The following CD9 variants were observed in gnomAD, a reference collection of about 807,000 sequenced individuals.
CD9 encodes CD9 molecule, also known as CD9 antigen.
CD9 carries 10 observed loss-of-function variants against 31.4 expected under a neutral mutation model. The ratio of observed to expected loss-of-function variants is 0.32; its 90% CI spans 0.20 to 0.54. CD9 has a LOEUF of 0.54. CD9 is among the 20% of genes least tolerant of loss of function. CD9 has a pLI of 0.94. For missense variants in CD9, 259 were observed against 300.1 expected, an observed-to-expected ratio of 0.86 and a Z score of 1.01; for synonymous variants, 113 against 114.1, an observed-to-expected ratio of 0.99 and a Z score of 0.06.
In CD9 at chr12:6,232,722, T is replaced by C; in HGVS notation, c.266T>C (p.Leu89Pro). 1 of 1,556,510 alleles carries C rather than the reference T, an allele frequency of 6.4e-7. No individual in the cohort carries two copies. The highest frequency in any genetic ancestry group is 8.7e-7 in the Non-Finnish European group (1 of 1,155,060). Residue 89 changes from leucine (L) to proline (P), a missense_variant, in exon 3 of 8, where the codon CTG becomes CCG. Physicochemically the swap from Leu to Pro is moderately conservative, Grantham distance 98. Coordinates refer to ENST00000009180, the MANE Select transcript of CD9 (RefSeq NM_001769.4). The surrounding 1 kb of genome is among the most constrained non-coding windows in gnomAD (Gnocchi z 4.8). ...CGAVQESQCM[L>P]GLFFGFLLVI... The stretch of plus-strand genomic sequence containing the variant: ...GCTGTGCAGGAGTCCCAGTGCATGC[T>C]GGGACTGGTGAGTATCCCCTCGGCA...
At chr12:6,214,702 AGAAGTCCAGTCTCATGCATAAC>A (rs1946226446) in intron 1 of CD9, among the ~76,000 whole-genome samples, 1 of 152,102 alleles carries the variant, frequency 6.6e-6, no homozygotes, top group Non-Finnish European at 1.5e-5. Context: ...AGGTTTGAGG[AGAAGTCCAGTCTCATGCATAAC>A]AGCGAGCTGG....
intron 1 of CD9, chr12:6,200,770 G>A (rs1946065784): frequency 2.2e-6 from 1 of 463,368 alleles, no homozygotes; most frequent in Non-Finnish European, 3.8e-6. Context: ...GCGCATTCGG[G>A]TGGGGGCTCA....
At chr12:6,220,345 G>A (rs964288681) in intron 1 of CD9, among the ~76,000 whole-genome samples, 1 of 152,160 alleles carries the variant, frequency 6.6e-6, no homozygotes, top group African/African-American at 2.4e-5. Context: ...GGGTTCAGTG[G>A]TGTCAGCTGC....
rs780181536 is a variant in CD9, at chr12:6,235,180, G to A, written c.349-49G>A. The stretch of plus-strand genomic sequence containing the variant: ...GAACGCATAACATTTGTTCGTGGAG[G>A]AAGATGTGAAAATGCCGTCTCTGCC... On this transcript the variant is annotated intron_variant, in intron 4 of 7. Transcript: ENST00000009180. The A allele has an allele frequency of 3.1e-6, 4 of 1,279,434 alleles. No homozygotes were observed. The South Asian group carries it at 5.0e-5, about 16-fold the overall frequency. The allele number at this position is 1,279,434 out of a possible 1,614,324, so 79.3% of individuals were successfully genotyped here. A position where few individuals can be genotyped will look rare whatever the true frequency, so the allele number is the denominator to read the frequency against.
At chr12:6,230,606 GC>G (rs1195132021) in intron 2 of CD9, among the ~76,000 whole-genome samples, 1 of 152,212 alleles carries the variant, frequency 6.6e-6, no homozygotes, top group East Asian at 1.9e-4. Context: ...TCCTTGACTT[GC>G]CCCCATTAGA....
rs368763492 is a variant in CD9, at chr12:6,227,410, C to G, written c.175+1876C>G. Among the ~76,000 whole-genome samples, 5 of 152,252 alleles carry G rather than the reference C, an allele frequency of 3.3e-5. No homozygotes were observed. The East Asian group carries it at 7.7e-4, about 24-fold the overall frequency. The stretch of plus-strand genomic sequence containing the variant: ...ACGGGGTTTCTCCATGTTGGTCAGG[C>G]TCGTCTCCAACTCCCGACCTCAGGT... On this transcript the variant is annotated intron_variant, in intron 2 of 7. Transcript: ENST00000009180.
At chr12:6,233,261 ACTT>A (rs1591980310) in intron 3 of CD9, 148 bp from the exon 4 acceptor site, 1 of 655,574 alleles carries the variant, frequency 1.5e-6, no homozygotes, top group Non-Finnish European at 2.7e-6. Context: ...TGTTCTGTGA[ACTT>A]CTTCCCTGCC....
rs551785874 is a variant in CD9 at position 6,231,369 on chromosome 12, A to T, written c.176-1263A>T. Among the ~76,000 whole-genome samples the T allele has an allele frequency of 3.3e-5, 5 of 152,300 alleles. No homozygotes were observed. In the South Asian group the frequency reaches 1.0e-3, roughly 32 times the overall value. ...ACAGATAGAAAACTGTTGCACAGAG[A>T]GGTTAAGTGGCTTCCCCAGAGTCAC... On this transcript the variant is annotated intron_variant, in intron 2 of 7. Coordinates refer to ENST00000009180, the MANE Select transcript of CD9 (RefSeq NM_001769.4).
chr12:6,232,143 G>C lies in CD9; in HGVS notation c.176-489G>C. The C allele has an allele frequency of 5.7e-6, 1 of 175,792 alleles. No individual in the cohort carries two copies. The highest frequency in any genetic ancestry group is 5.4e-5 in the Admixed American group (1 of 18,564). The allele number at this position is 175,792 out of a possible 1,614,324, so 10.9% of individuals were successfully genotyped here. A position where few individuals can be genotyped will look rare whatever the true frequency, so the allele number is the denominator to read the frequency against. On this transcript the variant is annotated intron_variant, in intron 2 of 7. Coordinates refer to ENST00000009180, the MANE Select transcript of CD9 (RefSeq NM_001769.4). This position sits in a 1 kb window ranked among gnomAD's most constrained non-coding sequence, Gnocchi z 4.8. ...GCAGAGTTGGTTCCCCCCACCCCTG[G>C]GTAGGGGGGTGCCTAGGTGTGCACG...
intron 1 of CD9, among the ~76,000 whole-genome samples, chr12:6,202,901 A>G (rs1190013972): frequency 5.3e-5 from 8 of 152,150 alleles, no homozygotes; most frequent in Non-Finnish European, 1.2e-4. Flanking sequence ...TGGGGCCCCT[A>G]CTTTACTTCT....
intron 1 of CD9, among the ~76,000 whole-genome samples, chr12:6,209,100 C>G (rs543796634): frequency 1.3e-5 from 2 of 152,090 alleles, no homozygotes; most frequent in Non-Finnish European, 2.9e-5. Context: ...TCCTGAGTAG[C>G]TGCGACTACA....
chr12:6,208,491 A>G (rs1946156394), intron 1 of CD9, among the ~76,000 whole-genome samples: 2 of 152,198 alleles, frequency 1.3e-5, no homozygotes, highest in Admixed American at 1.3e-4. Context: ...CATAAAGTTA[A>G]TCAGGCAGTT....
intron 1 of CD9, among the ~76,000 whole-genome samples, chr12:6,216,482 C>T (rs1303817611): frequency 2.0e-5 from 3 of 152,174 alleles, no homozygotes; most frequent in Non-Finnish European, 4.4e-5. Context: ...CCTGCCCAAC[C>T]CAGGAAAATC....
chr12:6,208,139 G>T (rs897207223), intron 1 of CD9, among the ~76,000 whole-genome samples: 4 of 151,634 alleles, frequency 2.6e-5, no homozygotes, highest in African/African-American at 9.7e-5. Context: ...CAGGAGAATT[G>T]CTTGAACCTG....
chr12:6,227,352 C>A (rs1234926944), intron 2 of CD9, among the ~76,000 whole-genome samples: 2 of 152,116 alleles, frequency 1.3e-5, no homozygotes, highest in Non-Finnish European at 2.9e-5. Flanking sequence ...GCATGTGCCA[C>A]CATGCCCAGC....
intron 4 of CD9, among the ~76,000 whole-genome samples, chr12:6,233,958 G>C (rs1038157641): frequency 6.8e-6 from 1 of 148,094 alleles, no homozygotes; most frequent in Non-Finnish European, 1.5e-5. Flanking sequence ...CCCCACATCC[G>C]GAGACTTGGC....
rs2136643026 is a variant in CD9 at position 6,237,751 on chromosome 12, C to CCTAT, written c.622-9_622-6dup. 2.5e-6 allele frequency: 4 copies of CCTAT among 1,607,396 alleles called. No individual in the cohort carries two copies. The highest frequency in any genetic ancestry group is 1.7e-5 in the Admixed American group (1 of 59,952). On this transcript the variant is annotated splice_polypyrimidine_tract_variant and intron_variant, in intron 7 of 7. Coordinates refer to ENST00000009180, the MANE Select transcript of CD9 (RefSeq NM_001769.4). ...AACCACCCTGATCCTCATGTTTCTT[C>CCTAT]CTATCTCCTAGATATTTGGCATGAT...
chr12:6,218,864 C>T (rs75732802), intron 1 of CD9, among the ~76,000 whole-genome samples: 142 of 152,184 alleles, frequency 9.3e-4, no homozygotes, highest in African/African-American at 3.3e-3. Flanking sequence ...TCTCATGTCT[C>T]CTGAGGCTCA....
chr12:6,200,207 A>G (rs1302606147), upstream of CD9: 1 of 130,570 alleles, frequency 7.7e-6, no homozygotes, highest in African/African-American at 3.2e-5. Context: ...TCCGCGGGGC[A>G]GCTGGGGCCG....
Sources: allele counts gnomAD v4.1 joint callset (sites outside exome capture counted in the v4.1 genomes callset), GRCh38; gene constraint gnomAD v4.1.1; non-coding constraint Gnocchi (gnomAD v3.1); transcripts MANE v1.5; gene names NCBI Gene and HGNC (gene_info 2026-07-23, HGNC 2026-07-21).